Variants in RPS6KC1 observed in about 807,000 individuals in gnomAD.
The protein encoded by RPS6KC1 is ribosomal protein S6 kinase C1.
A neutral mutation model predicts 103.8 loss-of-function variants in RPS6KC1; 54 were observed. The observed-to-expected ratio is 0.52, with a 90% CI of 0.42 to 0.65. The LOEUF is 0.65. Among genes scored for constraint, RPS6KC1 ranks in the 30% least tolerant of loss-of-function variants. RPS6KC1 has a pLI of 0.00. For missense variants in RPS6KC1, 1,151 were observed against 1,253.8 expected (o/e 0.92, Z 1.24); for synonymous variants, 439 against 438.7 (o/e 1.00, Z -0.01).
chr1:213,514,190 AT>A, the RPS6KC1 span, among the ~76,000 whole-genome samples: 1 of 152,166 alleles, frequency 6.6e-6, no homozygotes, highest in Admixed American at 6.5e-5. Flanking sequence ...TTAAAATCAA[AT>A]TTTTAGCCTT....
the RPS6KC1 span, among the ~76,000 whole-genome samples, chr1:213,548,559 G>A: frequency 1.0e-3 from 154 of 152,358 alleles, 2 homozygotes; most frequent in African/African-American, 3.5e-3. Context: ...TACTTAGGAG[G>A]CTGAGGTGGG....
chr1:213,214,083 C>A (rs181517343), intron 8 of RPS6KC1, among the ~76,000 whole-genome samples: 4 of 150,060 alleles, frequency 2.7e-5, no homozygotes, highest in African/African-American at 9.9e-5. Flanking sequence ...CGAGGCATCG[C>A]CTCACCTGGG....
the RPS6KC1 span, among the ~76,000 whole-genome samples, chr1:213,856,185 T>C: frequency 6.6e-6 from 1 of 152,054 alleles, no homozygotes; most frequent in Non-Finnish European, 1.5e-5. Context: ...ACACACACAG[T>C]GGAGGATATA....
intron 6 of RPS6KC1, among the ~76,000 whole-genome samples, chr1:213,149,222 T>A (rs573451228): frequency 6.6e-6 from 1 of 152,184 alleles, no homozygotes; most frequent in African/African-American, 2.4e-5. Context: ...CGGTTTGCTC[T>A]TGCTTTTCTA....
At chr1:213,623,105 T>C in the RPS6KC1 span, among the ~76,000 whole-genome samples, 240 of 152,316 alleles carry the variant, frequency 1.6e-3, 1 homozygote, top group African/African-American at 5.5e-3. Context: ...TGTGGCAACC[T>C]GGCTGTAGAA....
At chr1:213,145,389 C>T (rs1033809009) in intron 6 of RPS6KC1, among the ~76,000 whole-genome samples, 4 of 151,972 alleles carry the variant, frequency 2.6e-5, no homozygotes, top group African/African-American at 4.8e-5. Context: ...TTGCAGGATA[C>T]GATATTTAGA....
the RPS6KC1 span, among the ~76,000 whole-genome samples, chr1:213,696,761 C>T: frequency 2.0e-5 from 3 of 152,058 alleles, no homozygotes; most frequent in East Asian, 3.9e-4. Context: ...TTCCTATTCT[C>T]TCTCACCTCT....
intron 4 of RPS6KC1, among the ~76,000 whole-genome samples, chr1:213,115,389 C>T (rs1451594762): frequency 1.2e-4 from 18 of 152,146 alleles, no homozygotes; most frequent in East Asian, 1.9e-4. Flanking sequence ...TCTGTGGGAT[C>T]GGTGGTGATA....
the RPS6KC1 span, among the ~76,000 whole-genome samples, chr1:213,784,040 G>A: frequency 3.9e-5 from 6 of 152,132 alleles, no homozygotes; most frequent in African/African-American, 1.4e-4. Context: ...GACAGAAGAG[G>A]AAGCTGCTGC....
At chr1:213,093,441 C>T (rs2081171240) in intron 3 of RPS6KC1, among the ~76,000 whole-genome samples, 1 of 151,988 alleles carries the variant, frequency 6.6e-6, no homozygotes, top group Non-Finnish European at 1.5e-5. Context: ...AACTCCTGAC[C>T]TCAGGTGATC....
At chr1:213,635,456 G>T in the RPS6KC1 span, among the ~76,000 whole-genome samples, 5 of 152,170 alleles carry the variant, frequency 3.3e-5, no homozygotes, top group Admixed American at 6.5e-5. Flanking sequence ...ATGCAAGGCT[G>T]GTTCAACATA....
intron 12 of RPS6KC1, among the ~76,000 whole-genome samples, chr1:213,257,786 C>CTTTTTTTTTTTTTTTT (rs71147062): frequency 2.0e-5 from 1 of 49,408 alleles, no homozygotes; most frequent in African/African-American, 7.8e-5. Context: ...ACAGGTAAAA[C>CTTTTTTTTTTTTTTTT]TTTTTTTTTT....
chr1:213,552,081 A>G, the RPS6KC1 span, among the ~76,000 whole-genome samples: 6,157 of 152,270 alleles, frequency 0.04, 162 homozygotes, highest in Non-Finnish European at 0.066. Context: ...GGTGTACCAC[A>G]GGTTATTTAT....
chr1:213,228,744 C>CAAAAT (rs747961545), intron 8 of RPS6KC1, among the ~76,000 whole-genome samples: 3 of 151,864 alleles, frequency 2.0e-5, no homozygotes, highest in African/African-American at 7.2e-5. Context: ...TAAGATAAAA[C>CAAAAT]AAAATAAAAT....
the RPS6KC1 span, among the ~76,000 whole-genome samples, chr1:213,779,220 T>C: frequency 2.0e-5 from 3 of 152,248 alleles, no homozygotes; most frequent in Non-Finnish European, 4.4e-5. Flanking sequence ...AGACTCATTA[T>C]GCCACGGCCC....
the RPS6KC1 span, among the ~76,000 whole-genome samples, chr1:213,531,804 C>T: frequency 6.6e-6 from 1 of 152,110 alleles, no homozygotes; most frequent in African/African-American, 2.4e-5. Context: ...CTGCGGTTTC[C>T]CAGCTGGGCA....
chr1:213,509,915 T>C, the RPS6KC1 span, among the ~76,000 whole-genome samples: 1 of 152,238 alleles, frequency 6.6e-6, no homozygotes, highest in Non-Finnish European at 1.5e-5. Flanking sequence ...TTCTTTTTCA[T>C]TGAATGAAGA....
At chr1:213,824,136 C>T in the RPS6KC1 span, among the ~76,000 whole-genome samples, 1 of 152,304 alleles carries the variant, frequency 6.6e-6, no homozygotes, top group Admixed American at 6.5e-5. Context: ...TCCTATGTTA[C>T]AGGGAGAAAG....
the RPS6KC1 span, among the ~76,000 whole-genome samples, chr1:213,476,694 C>T: frequency 9.2e-5 from 14 of 152,326 alleles, no homozygotes; most frequent in African/African-American, 3.4e-4. Context: ...ATGTGCTTTG[C>T]AGAGAGGACT....
Sources: allele counts gnomAD v4.1 joint callset (sites outside exome capture counted in the v4.1 genomes callset), GRCh38; gene constraint gnomAD v4.1.1; transcripts MANE v1.5; gene names NCBI Gene and HGNC (gene_info 2026-07-23, HGNC 2026-07-21).